The following SMYD3 variants were observed in gnomAD, a reference collection of about 807,000 sequenced individuals.
The protein encoded by SMYD3 is SET and MYND domain containing 3.
Under a neutral mutation model 57.7 loss-of-function variants are expected in SMYD3, and 36 were observed. The ratio of observed to expected loss-of-function variants is 0.62; its 90% CI spans 0.48 to 0.82. SMYD3 has a LOEUF of 0.82. SMYD3 is among the 40% of genes least tolerant of loss of function. SMYD3 has a pLI of 0.00. For synonymous variants in SMYD3, 211 were observed against 195.0 expected, an observed-to-expected ratio of 1.08 and a Z score of -0.68; for missense variants, 515 against 538.8, an observed-to-expected ratio of 0.96 and a Z score of 0.44.
chr1:245,921,246 C>A (rs1179108526), intron 7 of SMYD3, among the ~76,000 whole-genome samples: 1 of 152,090 alleles, frequency 6.6e-6, no homozygotes, highest in Admixed American at 6.5e-5. Context: ...TTACACCAGT[C>A]AGAATGGCTA....
intron 5 of SMYD3, among the ~76,000 whole-genome samples, chr1:245,955,147 A>C (rs1371513463): frequency 6.6e-6 from 1 of 152,160 alleles, no homozygotes; most frequent in Non-Finnish European, 1.5e-5. Context: ...GCTGGACTGC[A>C]GTGGCGCGAT....
intron 5 of SMYD3, among the ~76,000 whole-genome samples, chr1:245,982,488 A>C (rs2148074632): frequency 6.6e-6 from 1 of 152,356 alleles, no homozygotes; most frequent in South Asian, 2.1e-4. Context: ...AATGTGAAAC[A>C]ATCAAAATGT....
At chr1:246,049,636 G>A (rs1239821613) in intron 5 of SMYD3, among the ~76,000 whole-genome samples, 3 of 152,146 alleles carry the variant, frequency 2.0e-5, no homozygotes, top group Non-Finnish European at 4.4e-5. Context: ...AAAAAACACA[G>A]TATGTATTTA....
At chr1:246,326,750 C>T (rs1354127127) in intron 5 of SMYD3, 6 of 272,402 alleles carry the variant, frequency 2.2e-5, no homozygotes, top group East Asian at 8.6e-5. Context: ...GGTGACAGAA[C>T]GAGACTCTGT....
intron 5 of SMYD3, among the ~76,000 whole-genome samples, chr1:246,048,775 A>G (rs1273203965): frequency 6.6e-6 from 1 of 151,456 alleles, no homozygotes; most frequent in Non-Finnish European, 1.5e-5. Context: ...TAAAGTATTT[A>G]AAGCAAAAAA....
Position 246,022,826 on chromosome 1 carries a change from G to A in SMYD3, c.532-92889C>T, listed in dbSNP as rs190743218. 8.2e-4 allele frequency among the ~76,000 whole-genome samples: 125 copies of A among 152,228 alleles called. 1 individual carries two copies. Among genetic ancestry groups the A allele is most frequent in the Admixed American group, 1.8e-3 (28 of 15,288 alleles). The stretch of plus-strand genomic sequence containing the variant: ...GCTGGGAGGAGAAGGCTTTCACTTC[G>A]CACTTTCCATGGTGCCAGGGTAATA... On this transcript the variant is annotated intron_variant, in intron 5 of 11. Transcript: ENST00000490107.
At chr1:245,807,266 C>T (rs1402648800) in intron 10 of SMYD3, among the ~76,000 whole-genome samples, 4 of 152,094 alleles carry the variant, frequency 2.6e-5, no homozygotes, top group Non-Finnish European at 4.4e-5. Flanking sequence ...GGGCCATCAG[C>T]CTCAGGTCAG....
At position 246,008,833 on chromosome 1, in the gene SMYD3, A is replaced by G. The variant is rs138695836; in HGVS notation, c.532-78896T>C. ...CCCTATTAAGACACTAAACCACAGG[A>G]TTAATTCTGTTTAGGCCTGCAGAGT... On this transcript the variant is annotated intron_variant, in intron 5 of 11. Transcript: ENST00000490107. 1.6e-3 allele frequency among the ~76,000 whole-genome samples: 238 copies of G among 152,272 alleles called. 1 individual carries two copies. The highest frequency in any genetic ancestry group is 5.3e-3 in the African/African-American group (219 of 41,562).
chr1:245,972,904 T>C (rs1572821024), intron 5 of SMYD3, among the ~76,000 whole-genome samples: 1 of 152,378 alleles, frequency 6.6e-6, no homozygotes, highest in Middle Eastern at 3.4e-3. Context: ...TACTCAATTA[T>C]CATTATGTCC....
intron 5 of SMYD3, among the ~76,000 whole-genome samples, chr1:246,213,267 G>A (rs969937718): frequency 6.6e-6 from 1 of 152,086 alleles, no homozygotes; most frequent in Non-Finnish European, 1.5e-5. Context: ...CCAAGGGCCA[G>A]ACTTTCCAAT....
rs138278915 is a variant in SMYD3 at position 246,291,691 on chromosome 1, A to G, written c.531+35510T>C. On this transcript the variant is annotated intron_variant, in intron 5 of 11. Coordinates refer to ENST00000490107, the MANE Select transcript of SMYD3 (RefSeq NM_001167740.2). ...ATTTACACATTAAGTATAAGCTTTT[A>G]TTTTCATACTTGAGAAAACATGCCA... is the stretch of plus-strand genomic sequence containing the variant. 6.5e-3 allele frequency among the ~76,000 whole-genome samples: 984 copies of G among 152,310 alleles called. 9 individuals carry two copies. Among genetic ancestry groups the G allele is most frequent in the African/African-American group, 0.021 (892 of 41,580 alleles).
At position 245,927,271 on chromosome 1, in the gene SMYD3, G is replaced by C. The variant is rs183543722; in HGVS notation, c.702+660C>G. On this transcript the variant is annotated intron_variant, in intron 7 of 11. Coordinates refer to ENST00000490107, the MANE Select transcript of SMYD3 (RefSeq NM_001167740.2). The stretch of plus-strand genomic sequence containing the variant: ...GGAGCAGCCCGTTTGCAGCTGTCTT[G>C]TAAGAAGGTTCTGCACCAAAAGAGG... 4.3e-3 allele frequency among the ~76,000 whole-genome samples: 660 copies of C among 152,298 alleles called. 6 individuals are homozygous for C. Among genetic ancestry groups the C allele is most frequent in the African/African-American group, 0.015 (640 of 41,558 alleles).
chr1:246,379,273 A>T (rs531412171), intron 1 of SMYD3, among the ~76,000 whole-genome samples: 1 of 146,316 alleles, frequency 6.8e-6, no homozygotes, highest in East Asian at 2.2e-4. Context: ...TAAAACTTTT[A>T]AAAACTTAAT....
intron 1 of SMYD3, among the ~76,000 whole-genome samples, chr1:246,462,736 A>G (rs1572521800): frequency 6.6e-6 from 1 of 152,210 alleles, no homozygotes; most frequent in Non-Finnish European, 1.5e-5. Flanking sequence ...GAAATCTTAG[A>G]TAGCTCACTC....
At chr1:246,490,001 CTTTTTTTTTT>C (rs71968916) in intron 1 of SMYD3, among the ~76,000 whole-genome samples, 3 of 92,294 alleles carry the variant, frequency 3.3e-5, no homozygotes, top group African/African-American at 1.2e-4. Flanking sequence ...TAATTTTTTC[CTTTTTTTTTT>C]TTTTTTTTTT....
chr1:246,164,578 G>GAGTA (rs2062174273), intron 5 of SMYD3, among the ~76,000 whole-genome samples: 2 of 152,114 alleles, frequency 1.3e-5, no homozygotes, highest in African/African-American at 2.4e-5. Context: ...ACAACACATG[G>GAGTA]ACGGGGGCAT....
At chr1:246,167,542 G>A (rs973339607) in intron 5 of SMYD3, among the ~76,000 whole-genome samples, 11 of 143,696 alleles carry the variant, frequency 7.7e-5, no homozygotes, top group East Asian at 2.0e-4. Context: ...ACGGAGTCTC[G>A]CTCTGTGGCC....
At chr1:246,506,978 G>GCCCCCCCCCCCCCCCCCCCCCCCCCC in intron 1 of SMYD3, 76 bp downstream of exon 1, 22 of 1,174,484 alleles carry the variant, frequency 1.9e-5, no homozygotes, top group East Asian at 1.1e-4. Context: ...CGCGGCTGCC[G>GCCCCCCCCCCCCCCCCCCCCCCCCCC]GCCGCCCGAC....
At chr1:245,820,147 T>C (rs1470181689) in intron 10 of SMYD3, among the ~76,000 whole-genome samples, 1 of 150,364 alleles carries the variant, frequency 6.7e-6, no homozygotes. Flanking sequence ...AAATCCTCAA[T>C]AAAATACTGG....
Sources: gnomAD v4.1 joint callset for allele counts (sites outside exome capture counted in the v4.1 genomes callset) on GRCh38, gnomAD v4.1.1 for gene constraint, MANE v1.5 for transcripts, NCBI Gene and HGNC (gene_info 2026-07-23, HGNC 2026-07-21) for gene names.